BICRA: variants seen among roughly 807,000 people sequenced by gnomAD.
BICRA encodes the protein BRD4-interacting chromatin-remodeling complex-associated protein.
Under a neutral mutation model 96.9 loss-of-function variants are expected in BICRA, and 31 were observed. That is an observed-to-expected ratio of 0.32 (90% CI 0.24 to 0.43). The LOEUF is 0.43. BICRA is among the 20% of genes least tolerant of loss of function. The pLI is 1.00. For synonymous variants in BICRA, 1,350 were observed against 1,071.8 expected (o/e 1.26, Z -5.07); for missense variants, 2,283 against 2,190.3 (o/e 1.04, Z -0.84).
intron 1 of BICRA, among the ~76,000 whole-genome samples, chr19:47,641,555 C>T (rs1487725988): frequency 2.6e-5 from 4 of 152,094 alleles, no homozygotes; most frequent in Non-Finnish European, 5.9e-5. Context: ...GAGGCTGAGA[C>T]GGGACAGTCG....
At chr19:47,629,845 A>C (rs545734801) in intron 1 of BICRA, among the ~76,000 whole-genome samples, 86 of 152,098 alleles carry the variant, frequency 5.7e-4, no homozygotes, top group Non-Finnish European at 1.1e-3. Flanking sequence ...TTTAATAGAG[A>C]TGGGGTTTCG....
chr19:47,624,453 G>T (rs1364702436), intron 1 of BICRA, among the ~76,000 whole-genome samples: 1 of 152,120 alleles, frequency 6.6e-6, no homozygotes, highest in Non-Finnish European at 1.5e-5. Flanking sequence ...ATACGATACT[G>T]CAATCTGTTA....
At chr19:47,643,370 C>A (rs1251184245) in intron 1 of BICRA, among the ~76,000 whole-genome samples, 2 of 152,192 alleles carry the variant, frequency 1.3e-5, no homozygotes, top group Non-Finnish European at 2.9e-5. Context: ...GGTGTGCTGC[C>A]CCTGACTGAC....
chr19:47,641,965 C>T (rs1396289919), intron 1 of BICRA, among the ~76,000 whole-genome samples: 2 of 152,058 alleles, frequency 1.3e-5, no homozygotes, highest in Non-Finnish European at 2.9e-5. Flanking sequence ...ATTGTAAATG[C>T]GATTGTTTCT....
rs758552594 is a variant in BICRA, at chr19:47,682,142, C to T, written c.2273C>T (p.Pro758Leu). The change falls in exon 7 of 15, where the codon CCG (proline) becomes CTG (leucine). Residue 758 changes from proline to leucine, a missense_variant. Physicochemically the swap from Pro to Leu is moderately conservative, Grantham distance 98. Coordinates refer to ENST00000594866, the MANE Select transcript of BICRA (RefSeq NM_001394372.1). ...QAPDSQASPA[P>L]APQIPAAAPL... is the part of the protein sequence containing the mutation. ...CCCGACAGCCAGGCTTCCCCGGCTC[C>T]GGCCCCCCAGGTAGAGGGACCCCAG... 1.4e-5 allele frequency: 20 copies of T among 1,463,188 alleles called. No homozygotes were observed. Among genetic ancestry groups the T allele is most frequent in the African/African-American group, 4.2e-5 (3 of 71,978 alleles). 90.6% of individuals were successfully genotyped at this position (1,463,188 alleles called of 1,614,324 possible). A position where few individuals can be genotyped will look rare whatever the true frequency, so the allele number is the denominator to read the frequency against.
Position 47,680,652 on chromosome 19 carries a change from C to T in BICRA, c.1482C>T (p.Gly494=), listed in dbSNP as rs771828616. 6.2e-6 allele frequency: 10 copies of T among 1,607,712 alleles called. No homozygotes were observed. The highest frequency in any genetic ancestry group is 2.7e-5 in the African/African-American group (2 of 74,712). Residue 494 remains glycine, a synonymous_variant, in exon 6 of 15, where the codon GGC becomes GGT. Transcript: ENST00000594866. ...TCTCAGCCCTGCCGGCCAACGTGGGCGGGCAGATCCTGGCGGCCGCTGCCC... is the reference window on the plus strand; with the variant it reads ...TCTCAGCCCTGCCGGCCAACGTGGGTGGGCAGATCCTGGCGGCCGCTGCCC... ...QQLSALPANV[G]GQILAAAAPH... is the part of the protein sequence containing the mutation.
intron 1 of BICRA, among the ~76,000 whole-genome samples, chr19:47,617,611 A>G (rs1450323575): frequency 1.3e-5 from 2 of 151,868 alleles, no homozygotes; most frequent in Non-Finnish European, 2.9e-5. Flanking sequence ...TGATCTGCTC[A>G]CCTAGGCCCC....
chr19:47,696,557 G>A, intron 11 of BICRA, 45 bp downstream of exon 11: 2 of 1,545,082 alleles, frequency 1.3e-6, no homozygotes. Context: ...GTACCTTCCA[G>A]AGACCTGGGG....
chr19:47,661,330 C>T (rs576553843), intron 1 of BICRA, among the ~76,000 whole-genome samples: 16 of 152,186 alleles, frequency 1.1e-4, no homozygotes, highest in Middle Eastern at 3.4e-3. Flanking sequence ...AGAATCTGAC[C>T]CATCAAATGC....
intron 2 of BICRA, 49 bp from the exon 3 acceptor site, chr19:47,673,521 A>G (rs1275092862): frequency 6.5e-7 from 1 of 1,548,134 alleles, no homozygotes; most frequent in Non-Finnish European, 8.9e-7. Context: ...CAAGCTGCCA[A>G]AATCTAACCT....
chr19:47,617,777 C>CT (rs11433116), intron 1 of BICRA, among the ~76,000 whole-genome samples: 128,177 of 149,286 alleles, frequency 0.86, 55,067 homozygotes, highest in Admixed American at 0.89. Context: ...CTGATCTGAT[C>CT]TTTTTTTTTT....
At position 47,695,398 on chromosome 19, in the gene BICRA, C is replaced by A; in HGVS notation, c.3110C>A (p.Ala1037Asp). ...LPPLLPAENK[A>D]FASNLPTLNV... ...CCTCTGCTTCCAGCCGAGAACAAGG[C>A]TTTTGCCAGCAACCTCCCGACCCTG... The change falls in exon 10 of 15, where the codon GCT (alanine) becomes GAT (aspartate). Residue 1037 changes from alanine (A) to aspartate (D), a missense_variant. Ala to Asp is a moderately radical substitution (Grantham distance 126). Coordinates refer to ENST00000594866, the MANE Select transcript of BICRA (RefSeq NM_001394372.1). 1 of 1,568,292 alleles carries A rather than the reference C, an allele frequency of 6.4e-7. No individual in the cohort carries two copies. Among genetic ancestry groups the A allele is most frequent in the East Asian group, 2.3e-5 (1 of 42,728 alleles).
intron 1 of BICRA, among the ~76,000 whole-genome samples, chr19:47,617,898 G>A (rs1410066015): frequency 1.3e-5 from 2 of 152,008 alleles, no homozygotes; most frequent in African/African-American, 2.4e-5. Flanking sequence ...TAATGGTGGT[G>A]TTATTTCTGG....
At chr19:47,656,914 T>C (rs1972626889) in intron 1 of BICRA, among the ~76,000 whole-genome samples, 3 of 151,928 alleles carry the variant, frequency 2.0e-5, no homozygotes, top group Admixed American at 1.3e-4. Flanking sequence ...CAGGCTGGAG[T>C]GCAGTGTGGC....
Position 47,701,375 on chromosome 19 carries a change from T to C in BICRA, c.3643T>C (p.Ser1215Pro). Reference sequence around the variant, plus strand: ...CTCGCTCGGCCTCCCCATCGCAGCCTCTTCCGAGGGTCATCGGCTTCCCGG... The same window carrying C: ...CTCGCTCGGCCTCCCCATCGCAGCCCCTTCCGAGGGTCATCGGCTTCCCGG... ...SRSLGLPIAA[S>P]SEGHRLPGHG... The change falls in exon 15 of 15, where the codon TCT (serine) becomes CCT (proline). Residue 1215 changes from serine (S) to proline (P), a missense_variant. Physicochemically the swap from Ser to Pro is moderately conservative, Grantham distance 74. Coordinates refer to ENST00000594866, the MANE Select transcript of BICRA (RefSeq NM_001394372.1). This position sits in a 1 kb window ranked among gnomAD's most constrained non-coding sequence, Gnocchi z 5.4. The C allele has an allele frequency of 6.2e-7, 1 of 1,611,134 alleles. No individual in the cohort carries two copies. Among genetic ancestry groups the C allele is most frequent in the Non-Finnish European group, 8.5e-7 (1 of 1,179,184 alleles).
At chr19:47,643,319 A>G (rs1193651316) in intron 1 of BICRA, among the ~76,000 whole-genome samples, 1 of 152,200 alleles carries the variant, frequency 6.6e-6, no homozygotes, top group Non-Finnish European at 1.5e-5. Flanking sequence ...ATTGACCTAC[A>G]AAAGTAACTC....
Position 47,699,494 on chromosome 19 carries a change from G to A in BICRA, c.3595+89G>A. 1.3e-6 allele frequency: 1 copy of A among 768,222 alleles called. No homozygotes were observed. Among genetic ancestry groups the A allele is most frequent in the South Asian group, 1.6e-5 (1 of 64,420 alleles). The allele number at this position is 768,222 out of a possible 1,614,324, so 47.6% of individuals were successfully genotyped here. ...GTTAGATTCAGGGCGGGGAGTGGGT[G>A]TGTGGCCCTACCTCACTCCACCACT... On this transcript the variant is annotated intron_variant, in intron 14 of 14. Coordinates refer to ENST00000594866, the MANE Select transcript of BICRA (RefSeq NM_001394372.1). The surrounding 1 kb of genome is among the most constrained non-coding windows in gnomAD (Gnocchi z 5.0).
chr19:47,682,180 G>C, intron 7 of BICRA, 28 bp downstream of exon 7: 1 of 1,146,102 alleles, frequency 8.7e-7, no homozygotes, highest in Non-Finnish European at 1.2e-6. Context: ...GCCTGTGTCC[G>C]CAGCACAGAC....
At chr19:47,610,123 C>T (rs970246739) in intron 1 of BICRA, among the ~76,000 whole-genome samples, 1 of 152,168 alleles carries the variant, frequency 6.6e-6, no homozygotes, top group Admixed American at 6.5e-5. Context: ...GGGGTGAGCC[C>T]GGACGAGCTG....
Sources: gnomAD v4.1 joint callset for allele counts (sites outside exome capture counted in the v4.1 genomes callset) on GRCh38, gnomAD v4.1.1 for gene constraint, Gnocchi (gnomAD v3.1) non-coding constraint, MANE v1.5 for transcripts, NCBI Gene and HGNC (gene_info 2026-07-23, HGNC 2026-07-21) for gene names.